SCP2: variants seen among roughly 807,000 people sequenced by gnomAD.
SCP2 encodes sterol carrier protein 2.
Under a neutral mutation model 71.4 loss-of-function variants are expected in SCP2, and 48 were observed. The ratio of observed to expected loss-of-function variants is 0.67; its 90% CI spans 0.53 to 0.86. The LOEUF is 0.86. SCP2 is among the 40% of genes least tolerant of loss of function. The pLI, the probability that SCP2 is intolerant of heterozygous loss-of-function variation, is 0.00. For missense variants in SCP2, 560 were observed against 655.6 expected (o/e 0.85, Z 1.59); for synonymous variants, 220 against 218.1 (o/e 1.01, Z -0.08).
intron 9 of SCP2, among the ~76,000 whole-genome samples, chr1:52,979,886 C>G (rs1658321870): frequency 6.6e-6 from 1 of 151,768 alleles, no homozygotes; most frequent in Non-Finnish European, 1.5e-5. Flanking sequence ...GACTGACCCT[C>G]CTTCCCTCCC....
At position 52,984,618 on chromosome 1, in the gene SCP2, A is replaced by G. The variant is rs181056589; in HGVS notation, c.974-3411A>G. ...AGTGGCGCTATCTCAGCTCACCACAACCTCCGCTACCTGGGTTCAAGTGAT... is the reference window on the plus strand; with the variant it reads ...AGTGGCGCTATCTCAGCTCACCACAGCCTCCGCTACCTGGGTTCAAGTGAT... On this transcript the variant is annotated intron_variant, in intron 10 of 15. Transcript: ENST00000371514. Among the ~76,000 whole-genome samples the G allele has an allele frequency of 6.2e-3, 942 of 151,476 alleles. 14 individuals carry two copies. Among genetic ancestry groups the G allele is most frequent in the African/African-American group, 0.022 (905 of 41,210 alleles).
intron 11 of SCP2, among the ~76,000 whole-genome samples, chr1:53,000,135 T>A (rs1269962752): frequency 1.3e-5 from 2 of 151,456 alleles, no homozygotes; most frequent in Non-Finnish European, 2.9e-5. Flanking sequence ...GAATAAATGT[T>A]GGACATGGTG....
intron 1 of SCP2, among the ~76,000 whole-genome samples, chr1:52,930,923 T>C (rs1018295834): frequency 6.6e-6 from 1 of 152,164 alleles, no homozygotes; most frequent in Non-Finnish European, 1.5e-5. Flanking sequence ...ATGGGTTATA[T>C]GCTAGAGATG....
At chr1:53,013,106 CTTTTTTTTTTT>C (rs754111443) in intron 11 of SCP2, among the ~76,000 whole-genome samples, 2 of 104,646 alleles carry the variant, frequency 1.9e-5, no homozygotes, top group African/African-American at 7.9e-5. Context: ...GTGGAGCTAC[CTTTTTTTTTTT>C]TTTTTTTTTT....
chr1:52,931,261 G>T (rs1653124200), intron 1 of SCP2, among the ~76,000 whole-genome samples: 3 of 152,168 alleles, frequency 2.0e-5, no homozygotes, highest in South Asian at 2.1e-4. Context: ...CTGAAGAGGG[G>T]TTATACTGGT....
At chr1:52,984,627 A>T (rs892882936) in intron 10 of SCP2, among the ~76,000 whole-genome samples, 26 of 146,006 alleles carry the variant, frequency 1.8e-4, no homozygotes, top group Admixed American at 2.8e-4. Flanking sequence ...AACCTCCGCT[A>T]CCTGGGTTCA....
chr1:52,932,968 A>C (rs866177315), intron 1 of SCP2, among the ~76,000 whole-genome samples: 24 of 152,208 alleles, frequency 1.6e-4, no homozygotes, highest in African/African-American at 5.8e-4. Flanking sequence ...TATAAACTTT[A>C]ATTAGTATTT....
intron 11 of SCP2, among the ~76,000 whole-genome samples, chr1:53,013,970 A>C (rs1661158188): frequency 7.6e-6 from 1 of 130,872 alleles, no homozygotes; most frequent in African/African-American, 2.9e-5. Flanking sequence ...ATCTCAGCTC[A>C]CTGCAAGCTC....
chr1:53,024,361 AAG>A (rs1349050858), intron 12 of SCP2, among the ~76,000 whole-genome samples: 3 of 152,106 alleles, frequency 2.0e-5, no homozygotes, highest in Non-Finnish European at 4.4e-5. Context: ...GCAAGATGAA[AAG>A]AGTTATGGAG....
At chr1:52,982,297 G>A (rs557736486) in intron 10 of SCP2, among the ~76,000 whole-genome samples, 36 of 152,236 alleles carry the variant, frequency 2.4e-4, no homozygotes, top group Admixed American at 4.6e-4. Context: ...TTGGCAGGGC[G>A]CGGTGGCTCA....
chr1:52,976,689 C>T lies in SCP2; in HGVS notation c.594C>T (p.Ser198=), dbSNP rs757253571. 2.0e-6 allele frequency: 3 copies of T among 1,524,896 alleles called. No homozygotes were observed. Among genetic ancestry groups the T allele is most frequent in the African/African-American group, 2.7e-5 (2 of 72,738 alleles). 94.5% of individuals were successfully genotyped at this position (1,524,896 alleles called of 1,614,324 possible). Residue 198 remains serine, a synonymous_variant, in exon 8 of 16, where the codon TCC becomes TCT. Transcript: ENST00000371514. ...NHKHSVNNPY[S]QFQDEYSLDE... ...ATATTTATTTTGTATTTAGGTATTC[C>T]CAGTTCCAAGATGAATACAGTTTAG...
chr1:52,989,031 T>A (rs1373159078), intron 11 of SCP2, among the ~76,000 whole-genome samples: 1 of 152,138 alleles, frequency 6.6e-6, no homozygotes, highest in African/African-American at 2.4e-5. Flanking sequence ...CTTCAAATAG[T>A]GTTATGCCAT....
chr1:52,980,202 G>A (rs907773237), intron 9 of SCP2, among the ~76,000 whole-genome samples, 194 bp from the exon 10 acceptor site: 2 of 152,078 alleles, frequency 1.3e-5, no homozygotes, highest in African/African-American at 4.8e-5. Flanking sequence ...TCAAACTCCT[G>A]GGCTCAAGCG....
intron 11 of SCP2, among the ~76,000 whole-genome samples, chr1:52,990,323 A>G (rs933420671): frequency 2.6e-5 from 4 of 152,132 alleles, no homozygotes; most frequent in African/African-American, 7.2e-5. Flanking sequence ...TGTACCTAGG[A>G]AAAAAAGCAG....
At chr1:53,025,262 C>T (rs982008556) in intron 12 of SCP2, among the ~76,000 whole-genome samples, 3 of 152,168 alleles carry the variant, frequency 2.0e-5, no homozygotes, top group African/African-American at 7.2e-5. Context: ...CTGGCTGCTG[C>T]TTTCCCTTCT....
intron 12 of SCP2, among the ~76,000 whole-genome samples, chr1:53,020,794 G>C (rs780044443): frequency 8.5e-5 from 13 of 152,054 alleles, no homozygotes; most frequent in Non-Finnish European, 1.6e-4. Context: ...AACTCTGTGG[G>C]CTGTATTTCT....
At chr1:52,998,560 A>G (rs1244462101) in intron 11 of SCP2, among the ~76,000 whole-genome samples, 1 of 152,134 alleles carries the variant, frequency 6.6e-6, no homozygotes, top group Non-Finnish European at 1.5e-5. Context: ...GTGAAACCCC[A>G]TCTCTACAAA....
chr1:52,956,120 A>G (rs1308559129), intron 5 of SCP2, among the ~76,000 whole-genome samples: 1 of 152,154 alleles, frequency 6.6e-6, no homozygotes, highest in Non-Finnish European at 1.5e-5. Context: ...CCTGGCCAAC[A>G]TGGCAAAACC....
rs35223104 is a variant in SCP2 at position 53,014,062 on chromosome 1, A to ATTTT, written c.1082-815_1082-812dup. 5.5e-3 allele frequency among the ~76,000 whole-genome samples: 725 copies of ATTTT among 131,402 alleles called. 12 individuals carry two copies. The highest frequency in any genetic ancestry group is 0.02 in the African/African-American group (698 of 35,284). The allele number at this position is 131,402 out of a possible 152,430, so 86.2% of individuals were successfully genotyped here. A position where few individuals can be genotyped will look rare whatever the true frequency, so the allele number is the denominator to read the frequency against. ...AGGCGCCTGCCACCACGCCCGGCTA[A>ATTTT]TTTTTTTTTTTTTTTTGTATTTTTA... On this transcript the variant is annotated intron_variant, in intron 11 of 15. Transcript: ENST00000371514.
Sources: allele counts gnomAD v4.1 joint callset (sites outside exome capture counted in the v4.1 genomes callset), GRCh38; gene constraint gnomAD v4.1.1; transcripts MANE v1.5; gene names NCBI Gene and HGNC (gene_info 2026-07-23, HGNC 2026-07-21).